SLC9A9: variants seen among roughly 807,000 people sequenced by gnomAD.
The protein encoded by SLC9A9 is sodium/hydrogen exchanger 9.
In SLC9A9, 62 loss-of-function variants were observed where a neutral mutation model predicts 77.8. The ratio of observed to expected loss-of-function variants is 0.80; its 90% CI spans 0.65 to 0.98. The LOEUF is 0.98. Ranked by LOEUF, SLC9A9 falls within the 50% of genes least tolerant of loss-of-function variation. The pLI is 0.00. For missense variants in SLC9A9, 775 were observed against 774.9 expected (o/e 1.00, Z 0.00); for synonymous variants, 320 against 283.5 (o/e 1.13, Z -1.29).
intron 6 of SLC9A9, among the ~76,000 whole-genome samples, chr3:143,621,787 G>T (rs557973110): frequency 2.0e-5 from 3 of 152,314 alleles, no homozygotes; most frequent in South Asian, 4.1e-4. Flanking sequence ...CGAGTTGAGA[G>T]AAGAAGGCTT....
chr3:143,383,424 C>G lies in SLC9A9; in HGVS notation c.1470-1310G>C, dbSNP rs146116240. On this transcript the variant is annotated intron_variant, in intron 12 of 15. Transcript: ENST00000316549. ...TTCAGCTTCCCCTTAGTTGGATCCCCCAAATGCCCACAGCTATTCCAATAC... is the reference window on the plus strand; with the variant it reads ...TTCAGCTTCCCCTTAGTTGGATCCCGCAAATGCCCACAGCTATTCCAATAC... Among the ~76,000 whole-genome samples the G allele has an allele frequency of 6.8e-4, 103 of 150,874 alleles. 1 individual carries two copies. The highest frequency in any genetic ancestry group is 2.3e-3 in the African/African-American group (96 of 40,894).
intron 9 of SLC9A9, among the ~76,000 whole-genome samples, chr3:143,534,089 T>A (rs540622565): frequency 6.6e-6 from 1 of 152,184 alleles, no homozygotes; most frequent in Non-Finnish European, 1.5e-5. Context: ...ATTTTATACA[T>A]TGAAAATTAA....
chr3:143,825,185 T>C (rs2009267674), intron 2 of SLC9A9, among the ~76,000 whole-genome samples: 1 of 152,196 alleles, frequency 6.6e-6, no homozygotes, highest in South Asian at 2.1e-4. Flanking sequence ...CCTTTGTTTA[T>C]CCTCCCCAAG....
chr3:143,549,991 C>G (rs1181690472), intron 9 of SLC9A9, among the ~76,000 whole-genome samples: 1 of 152,004 alleles, frequency 6.6e-6, no homozygotes, highest in East Asian at 1.9e-4. Flanking sequence ...GGGCTTTTTT[C>G]TTTTGTTTCA....
chr3:143,546,580 C>G lies in SLC9A9; in HGVS notation c.1089+5782G>C, dbSNP rs77914225. Reference sequence around the variant, plus strand: ...GCCAAACATCCATTTGTTTTTCCTTCCACCCATTCAAGGTTTACTGAATAA... The same window carrying G: ...GCCAAACATCCATTTGTTTTTCCTTGCACCCATTCAAGGTTTACTGAATAA... On this transcript the variant is annotated intron_variant, in intron 9 of 15. Coordinates refer to ENST00000316549, the MANE Select transcript of SLC9A9 (RefSeq NM_173653.4). Among the ~76,000 whole-genome samples the G allele has an allele frequency of 4.4e-3, 676 of 152,320 alleles. 17 individuals carry two copies. In the East Asian group the frequency reaches 0.07, roughly 16 times the overall value.
intron 8 of SLC9A9, among the ~76,000 whole-genome samples, chr3:143,557,063 T>G (rs1306848292): frequency 6.6e-6 from 1 of 152,096 alleles, no homozygotes; most frequent in Non-Finnish European, 1.5e-5. Context: ...ATAATCCCCA[T>G]GTGTCAGGGG....
At chr3:143,637,519 C>A (rs973068488) in intron 6 of SLC9A9, among the ~76,000 whole-genome samples, 1 of 152,132 alleles carries the variant, frequency 6.6e-6, no homozygotes, top group Non-Finnish European at 1.5e-5. Context: ...TTTCAAATTT[C>A]AGCTTATCCC....
At chr3:143,762,864 C>G (rs1171296151) in intron 4 of SLC9A9, among the ~76,000 whole-genome samples, 2 of 152,146 alleles carry the variant, frequency 1.3e-5, no homozygotes, top group Non-Finnish European at 2.9e-5. Context: ...CTGACTTTTA[C>G]AGGTTTCATA....
At chr3:143,758,830 T>C (rs13081928) in intron 4 of SLC9A9, among the ~76,000 whole-genome samples, 62,736 of 151,938 alleles carry the variant, frequency 0.41, 14,970 homozygotes, top group African/African-American at 0.67. Context: ...AATGTCTACA[T>C]TTAATGACAG....
At chr3:143,394,919 C>A (rs1376757018) in intron 12 of SLC9A9, among the ~76,000 whole-genome samples, 5 of 152,096 alleles carry the variant, frequency 3.3e-5, no homozygotes, top group African/African-American at 9.7e-5. Flanking sequence ...TCAAGGAGAG[C>A]TACAAACCAC....
chr3:143,640,315 G>A (rs187124805), intron 6 of SLC9A9, among the ~76,000 whole-genome samples: 1 of 151,978 alleles, frequency 6.6e-6, no homozygotes, highest in Non-Finnish European at 1.5e-5. Context: ...GCCACCGTGC[G>A]CAACCTTGTA....
chr3:143,586,610 A>T (rs1354506196), intron 6 of SLC9A9, among the ~76,000 whole-genome samples: 5 of 152,178 alleles, frequency 3.3e-5, no homozygotes, highest in African/African-American at 1.2e-4. Flanking sequence ...AACTGTACCA[A>T]CCTGCCCTTT....
At chr3:143,584,449 G>C (rs1266275915) in intron 6 of SLC9A9, among the ~76,000 whole-genome samples, 2 of 152,162 alleles carry the variant, frequency 1.3e-5, no homozygotes, top group African/African-American at 4.8e-5. Flanking sequence ...TGAAATCAAT[G>C]TCGCTTGAAA....
chr3:143,778,806 C>G (rs952828604), intron 4 of SLC9A9, among the ~76,000 whole-genome samples: 17 of 152,076 alleles, frequency 1.1e-4, no homozygotes, highest in Non-Finnish European at 7.4e-5. Context: ...AGTAATAGAT[C>G]AGTTGAGTCT....
chr3:143,699,766 A>T (rs1933742753), intron 4 of SLC9A9, among the ~76,000 whole-genome samples: 1 of 152,108 alleles, frequency 6.6e-6, no homozygotes, highest in African/African-American at 2.4e-5. Context: ...AAGGACTCAA[A>T]TTCCTAGGTG....
chr3:143,374,422 CAAAAA>C (rs34787603), intron 13 of SLC9A9, among the ~76,000 whole-genome samples: 5 of 67,460 alleles, frequency 7.4e-5, no homozygotes, highest in African/African-American at 2.9e-4. Context: ...GACTCTGTCT[CAAAAA>C]AAAAAAAAAA....
At chr3:143,380,225 T>C (rs756532744) in intron 13 of SLC9A9, among the ~76,000 whole-genome samples, 17 of 152,224 alleles carry the variant, frequency 1.1e-4, no homozygotes, top group Non-Finnish European at 2.4e-4. Context: ...TAAGGGTTAT[T>C]ACTGATTTAA....
At chr3:143,798,992 C>T (rs559026278) in intron 2 of SLC9A9, among the ~76,000 whole-genome samples, 3 of 152,154 alleles carry the variant, frequency 2.0e-5, no homozygotes, top group Non-Finnish European at 4.4e-5. Context: ...ACCCTATAAT[C>T]CTTTTATCAC....
intron 4 of SLC9A9, among the ~76,000 whole-genome samples, chr3:143,703,293 C>T (rs1933860071): frequency 6.6e-6 from 1 of 152,002 alleles, no homozygotes; most frequent in African/African-American, 2.4e-5. Flanking sequence ...ATGGATCATT[C>T]TCAAGGACAG....
Sources: gnomAD v4.1 joint callset for allele counts (sites outside exome capture counted in the v4.1 genomes callset) on GRCh38, gnomAD v4.1.1 for gene constraint, MANE v1.5 for transcripts, NCBI Gene and HGNC (gene_info 2026-07-23, HGNC 2026-07-21) for gene names.